The following KLF17 variants were observed in gnomAD, a reference collection of about 807,000 sequenced individuals.
KLF17 encodes the protein Krueppel-like factor 17.
A neutral mutation model predicts 34.2 loss-of-function variants in KLF17; 31 were observed. That is an observed-to-expected ratio of 0.91 (90% confidence interval 0.68 to 1.22). The LOEUF is 1.22. Ranked by LOEUF, KLF17 falls within the 50% of genes most tolerant of loss-of-function variation. The pLI is 0.00. For synonymous variants in KLF17, 179 were observed against 186.7 expected (o/e 0.96, Z 0.34); for missense variants, 478 against 505.2 (o/e 0.95, Z 0.52).
upstream of KLF17, among the ~76,000 whole-genome samples, chr1:44,117,618 C>G (rs994158521): frequency 6.6e-6 from 1 of 152,038 alleles, no homozygotes; most frequent in African/African-American, 2.4e-5. Flanking sequence ...GCCTCAGCCT[C>G]CTGAGTAGCT....
chr1:44,065,805 T>C, the KLF17 span, among the ~76,000 whole-genome samples: 3 of 152,310 alleles, frequency 2.0e-5, no homozygotes, highest in South Asian at 2.1e-4. Context: ...ATTTATAACA[T>C]ATATAATCAG....
At chr1:44,127,684 T>TTC (rs1338338113) in intron 1 of KLF17, among the ~76,000 whole-genome samples, 3 of 33,452 alleles carry the variant, frequency 9.0e-5, no homozygotes, top group African/African-American at 2.1e-4. Context: ...CTTTCTTTCT[T>TTC]TCTTTCTTTT....
At chr1:44,104,593 G>A in the KLF17 span, 1 of 602,672 alleles carries the variant, frequency 1.7e-6, no homozygotes, top group Non-Finnish European at 3.1e-6. Flanking sequence ...TGCCTCCCAT[G>A]CCGCTGGTCC....
chr1:44,080,713 A>ATTTTT, the KLF17 span, among the ~76,000 whole-genome samples: 34 of 92,674 alleles, frequency 3.7e-4, no homozygotes, highest in Non-Finnish European at 4.2e-4. Flanking sequence ...ATTATATTGA[A>ATTTTT]TTTTTTTTTT....
At chr1:44,070,590 C>CTTT in the KLF17 span, among the ~76,000 whole-genome samples, 89 of 78,682 alleles carry the variant, frequency 1.1e-3, 8 homozygotes, top group African/African-American at 3.4e-3. Context: ...TTTCCCTTGT[C>CTTT]TTTTTTTTTT....
At chr1:44,065,664 C>T in the KLF17 span, among the ~76,000 whole-genome samples, 2 of 152,066 alleles carry the variant, frequency 1.3e-5, no homozygotes, top group Non-Finnish European at 2.9e-5. Flanking sequence ...CTGCCTTGGC[C>T]TCCCAAATTG....
chr1:44,132,077 C>T (rs374329960), intron 3 of KLF17, among the ~76,000 whole-genome samples: 6 of 151,914 alleles, frequency 3.9e-5, no homozygotes, highest in East Asian at 3.9e-4. Flanking sequence ...GAGGCTGAGG[C>T]GGGTGGATCA....
the KLF17 span, among the ~76,000 whole-genome samples, chr1:44,096,619 C>A: frequency 6.6e-6 from 1 of 151,988 alleles, no homozygotes; most frequent in Admixed American, 6.6e-5. Flanking sequence ...CCAGGAATGT[C>A]TCGATCTCGT....
At chr1:44,066,286 A>C in the KLF17 span, among the ~76,000 whole-genome samples, 1 of 151,800 alleles carries the variant, frequency 6.6e-6, no homozygotes. Context: ...ACCACTGTAC[A>C]CCAGCCTGGA....
chr1:44,081,404 T>A, the KLF17 span, among the ~76,000 whole-genome samples: 1 of 151,682 alleles, frequency 6.6e-6, no homozygotes, highest in Non-Finnish European at 1.5e-5. Context: ...GTATTGGCAT[T>A]TTCCCCATGG....
the KLF17 span, chr1:44,104,897 A>AC: frequency 5.8e-5 from 9 of 155,290 alleles, no homozygotes; most frequent in South Asian, 2.0e-4. Flanking sequence ...ATGTAAAAAA[A>AC]AAAACAAAAC....
At position 44,130,757 on chromosome 1, in the gene KLF17, G is replaced by T; in HGVS notation, c.*1G>T. The T allele has an allele frequency of 6.2e-7, 1 of 1,613,842 alleles. No homozygotes were observed. The highest frequency in any genetic ancestry group is 8.5e-7 in the Non-Finnish European group (1 of 1,179,870). On this transcript the variant is annotated splice_donor_variant, in intron 3 of 3. Coordinates refer to ENST00000372299, the MANE Select transcript of KLF17 (RefSeq NM_173484.4). LOFTEE classifies it low-confidence loss of function (3UTR_SPLICE). ...CAGTCCTCCTGCTGCTGGTCCTTAG[G>T]TCAGTCTCCTCTCCTCATTCTGGGT...
the KLF17 span, among the ~76,000 whole-genome samples, chr1:44,067,200 A>C: frequency 8.6e-6 from 1 of 115,610 alleles, no homozygotes; most frequent in Non-Finnish European, 1.8e-5. Flanking sequence ...TCAGACTCCC[A>C]CTCCCTTGAG....
At chr1:44,106,663 G>C in the KLF17 span, 1 of 152,186 alleles carries the variant, frequency 6.6e-6, no homozygotes. Context: ...GAGTATGGGG[G>C]AGGGCTAGGA....
the KLF17 span, among the ~76,000 whole-genome samples, chr1:44,087,215 G>A: frequency 2.3e-4 from 35 of 152,084 alleles, no homozygotes; most frequent in African/African-American, 8.0e-4. Flanking sequence ...ATCACAGAAT[G>A]GGTGACTTAA....
the KLF17 span, among the ~76,000 whole-genome samples, chr1:44,095,309 G>A: frequency 6.7e-6 from 1 of 149,802 alleles, no homozygotes; most frequent in Non-Finnish European, 1.5e-5. Flanking sequence ...TCCACTTCCT[G>A]GGTTCAAGTG....
chr1:44,054,596 G>A, the KLF17 span, among the ~76,000 whole-genome samples: 3 of 142,692 alleles, frequency 2.1e-5, no homozygotes, highest in Non-Finnish European at 4.5e-5. Flanking sequence ...TTCTCCTGCC[G>A]CAGCCTCCCA....
At chr1:44,073,337 G>T in the KLF17 span, among the ~76,000 whole-genome samples, 1 of 151,572 alleles carries the variant, frequency 6.6e-6, no homozygotes. Flanking sequence ...CTCCCAAGTA[G>T]CTGGGACTTC....
At chr1:44,082,071 C>T in the KLF17 span, among the ~76,000 whole-genome samples, 6 of 152,092 alleles carry the variant, frequency 3.9e-5, no homozygotes, top group African/African-American at 1.4e-4. Flanking sequence ...GTTATTTCTC[C>T]GAGATTCCAT....
Sources: gnomAD v4.1 joint callset for allele counts (sites outside exome capture counted in the v4.1 genomes callset) on GRCh38, gnomAD v4.1.1 for gene constraint, MANE v1.5 for transcripts, NCBI Gene and HGNC (gene_info 2026-07-23, HGNC 2026-07-21) for gene names.